The following USP45 variants were observed in gnomAD, a reference collection of about 807,000 sequenced individuals.
The protein encoded by USP45 is ubiquitin specific peptidase 45, also known as ubiquitin carboxyl-terminal hydrolase 45.
In USP45, 89 loss-of-function variants were observed where a neutral mutation model predicts 95.8. The observed-to-expected ratio is 0.93, with a 90% CI of 0.78 to 1.11. The LOEUF (loss-of-function observed/expected upper bound fraction) is 1.11, where lower values mean the gene tolerates loss of function less well. USP45 is among the 50% of genes least tolerant of loss of function. The probability of loss-of-function intolerance (pLI) is 0.00; values close to 1 mark genes in which losing one functional copy is unlikely to be tolerated. For synonymous variants in USP45, 281 were observed against 316.2 expected (o/e 0.89, Z 1.18); for missense variants, 898 against 942.5 (o/e 0.95, Z 0.62).
chr6:99,478,626 T>C (rs113392136), intron 8 of USP45, among the ~76,000 whole-genome samples: 7 of 152,236 alleles, frequency 4.6e-5, no homozygotes, highest in Admixed American at 2.6e-4. Flanking sequence ...ATATGGTGGA[T>C]TGGATAAAGA....
intron 11 of USP45, among the ~76,000 whole-genome samples, chr6:99,465,928 C>CA (rs1787845575): frequency 6.6e-6 from 1 of 151,730 alleles, no homozygotes; most frequent in African/African-American, 2.4e-5. Context: ...GAAGTCTACA[C>CA]AAAAATCTTT....
chr6:99,475,830 T>C (rs11154874), intron 9 of USP45, among the ~76,000 whole-genome samples: 22,351 of 152,090 alleles, frequency 0.15, 2,369 homozygotes, highest in Non-Finnish European at 0.21. Flanking sequence ...TTTTTGTTTG[T>C]TTGTTTTTTG....
intron 7 of USP45, among the ~76,000 whole-genome samples, chr6:99,486,538 CA>C (rs1179454706): frequency 2.6e-5 from 4 of 151,550 alleles, no homozygotes; most frequent in Admixed American, 6.6e-5. Flanking sequence ...AGGGGCTGAA[CA>C]AATGTTTACA....
chr6:99,432,548 A>C lies in USP45; in HGVS notation c.*3168T>G, dbSNP rs1779866369. On this transcript the variant is annotated 3_prime_UTR_variant, in exon 18 of 18. Coordinates refer to ENST00000500704, the MANE Select transcript of USP45 (RefSeq NM_001346022.3). ...TCTAGAAACATGGCAAAAGAAAAAA[A>C]ACAGTAGGAATAATATGTATTACTC... The C allele has an allele frequency of 6.6e-6, 1 of 152,168 alleles. No individual in the cohort carries two copies. The highest frequency in any genetic ancestry group is 1.5e-5 in the Non-Finnish European group (1 of 68,034). 9.4% of individuals were successfully genotyped at this position (152,168 alleles called of 1,614,324 possible). A position where few individuals can be genotyped will look rare whatever the true frequency, so the allele number is the denominator to read the frequency against.
At chr6:99,470,265 G>A (rs1294505824) in intron 9 of USP45, among the ~76,000 whole-genome samples, 2 of 152,050 alleles carry the variant, frequency 1.3e-5, no homozygotes, top group African/African-American at 2.4e-5. Flanking sequence ...TCTTATTCTC[G>A]CTCCATGCCC....
chr6:99,476,353 A>C lies in USP45; in HGVS notation c.846-123T>G, dbSNP rs964651179. The C allele has an allele frequency of 1.2e-5, 11 of 929,818 alleles. No individual in the cohort carries two copies. In the African/African-American group the frequency reaches 1.7e-4, roughly 14 times the overall value. The allele number at this position is 929,818 out of a possible 1,614,324, so 57.6% of individuals were successfully genotyped here. On this transcript the variant is annotated intron_variant, in intron 8 of 17. Coordinates refer to ENST00000500704, the MANE Select transcript of USP45 (RefSeq NM_001346022.3). ...GCTGGGTGCGGCAGCCTACGCCTGT[A>C]ATCCCAGCATTTGGGAGGCCAAGGG...
intron 5 of USP45, among the ~76,000 whole-genome samples, chr6:99,493,030 A>T (rs1325425451): frequency 6.8e-6 from 1 of 147,112 alleles, no homozygotes; most frequent in Non-Finnish European, 1.5e-5. Flanking sequence ...TTAGGCCTTA[A>T]TTTTTTTTTT....
intron 17 of USP45, among the ~76,000 whole-genome samples, chr6:99,436,470 C>T (rs1012430140): frequency 1.3e-5 from 2 of 151,996 alleles, no homozygotes; most frequent in Admixed American, 6.6e-5. Flanking sequence ...GCAGGAGAAT[C>T]GCTTGAACCC....
At chr6:99,492,011 T>C (rs1321189769) in intron 5 of USP45, among the ~76,000 whole-genome samples, 2 of 152,200 alleles carry the variant, frequency 1.3e-5, no homozygotes, top group Non-Finnish European at 2.9e-5. Context: ...TAGAAATAAA[T>C]TATATTTTAA....
chr6:99,478,424 G>A (rs1345112229), intron 8 of USP45, among the ~76,000 whole-genome samples: 3 of 151,958 alleles, frequency 2.0e-5, no homozygotes, highest in Non-Finnish European at 4.4e-5. Context: ...AGGATTCCCA[G>A]GAAATGTACT....
intron 7 of USP45, among the ~76,000 whole-genome samples, chr6:99,486,948 G>T (rs1038986141): frequency 6.6e-6 from 1 of 152,110 alleles, no homozygotes; most frequent in African/African-American, 2.4e-5. Flanking sequence ...CGTTGAACTA[G>T]GTGGGTTTAT....
intron 5 of USP45, among the ~76,000 whole-genome samples, chr6:99,502,202 G>C (rs1797528735): frequency 6.6e-6 from 1 of 152,174 alleles, no homozygotes. Flanking sequence ...GCATGGGCTG[G>C]GGAGAGTGAG....
At chr6:99,458,413 G>A (rs897208716) in intron 13 of USP45, among the ~76,000 whole-genome samples, 3 of 152,204 alleles carry the variant, frequency 2.0e-5, no homozygotes, top group Non-Finnish European at 4.4e-5. Flanking sequence ...AGGCACCTGA[G>A]ACATAGTGGC....
rs1209389611 is a variant in USP45 at position 99,482,750 on chromosome 6, C to T, written c.845+3G>A. 1 of 1,591,926 alleles carries T rather than the reference C, an allele frequency of 6.3e-7. No homozygotes were observed. The highest frequency in any genetic ancestry group is 1.8e-5 in the Admixed American group (1 of 56,490). On this transcript the variant is annotated splice_donor_region_variant and intron_variant, in intron 8 of 17. Transcript: ENST00000500704. ...TATTTATATTAAATGTAGATGCACC[C>T]ACTTCTGACAAAGCTGATTAAAAAG...
At chr6:99,483,808 G>A (rs377735817) in intron 7 of USP45, among the ~76,000 whole-genome samples, 55 of 111,716 alleles carry the variant, frequency 4.9e-4, no homozygotes, top group Non-Finnish European at 7.7e-4. Context: ...ACTGCAGTCC[G>A]CAGTCCGGCC....
At chr6:99,461,499 G>A (rs994808531) in intron 13 of USP45, 1 of 985,148 alleles carries the variant, frequency 1.0e-6, no homozygotes, top group African/African-American at 1.7e-5. Context: ...GTTTTACAGT[G>A]CTTTATTTAA....
At chr6:99,507,324 A>C (rs1798768240) in intron 4 of USP45, 104 bp downstream of exon 4, 1 of 573,028 alleles carries the variant, frequency 1.7e-6, no homozygotes, top group South Asian at 2.9e-5. Context: ...AAAAACCATA[A>C]GCTGATAGAA....
chr6:99,504,122 T>C (rs1294706467), intron 4 of USP45, among the ~76,000 whole-genome samples: 4 of 152,168 alleles, frequency 2.6e-5, no homozygotes. Context: ...AGGGCCATGA[T>C]ATGGTCCAAC....
intron 13 of USP45, among the ~76,000 whole-genome samples, chr6:99,458,213 G>C (rs1785528073): frequency 6.6e-6 from 1 of 152,168 alleles, no homozygotes; most frequent in South Asian, 2.1e-4. Context: ...TAGAGATAAG[G>C]TTTCACTGTG....
Sources: allele counts gnomAD v4.1 joint callset (sites outside exome capture counted in the v4.1 genomes callset), GRCh38; gene constraint gnomAD v4.1.1; transcripts MANE v1.5; gene names NCBI Gene and HGNC (gene_info 2026-07-23, HGNC 2026-07-21).